PDE7B: variants seen among roughly 807,000 people sequenced by gnomAD.
PDE7B encodes phosphodiesterase 7B, also known as 3',5'-cyclic-AMP phosphodiesterase 7B.
PDE7B carries 29 observed loss-of-function variants against 56.2 expected under a neutral mutation model. That is an observed-to-expected ratio of 0.52 (90% confidence interval 0.38 to 0.70). PDE7B has a LOEUF of 0.70. PDE7B is among the 30% of genes least tolerant of loss of function. The pLI, the probability that PDE7B is intolerant of heterozygous loss-of-function variation, is 0.00. For missense variants in PDE7B, 490 were observed against 565.0 expected (o/e 0.87, Z 1.35); for synonymous variants, 197 against 196.9 (o/e 1.00, Z 0.00).
intron 2 of PDE7B, among the ~76,000 whole-genome samples, chr6:135,987,367 C>A (rs1041549587): frequency 1.3e-5 from 2 of 152,040 alleles, no homozygotes; most frequent in Admixed American, 6.6e-5. Context: ...AGGAGTGGCC[C>A]CTGCTCCCAA....
At chr6:135,852,351 A>C (rs981588219) in intron 1 of PDE7B, among the ~76,000 whole-genome samples, 2 of 152,092 alleles carry the variant, frequency 1.3e-5, no homozygotes, top group Non-Finnish European at 2.9e-5. Context: ...TCTCCAACAT[A>C]AATCTTGGAG....
intron 5 of PDE7B, among the ~76,000 whole-genome samples, chr6:136,150,130 CAATT>C (rs1157182287): frequency 1.3e-5 from 2 of 152,200 alleles, no homozygotes; most frequent in South Asian, 2.1e-4. Flanking sequence ...TTCTTTAACT[CAATT>C]AATTAGAGAT....
chr6:136,090,786 C>A (rs1370264069), intron 2 of PDE7B, among the ~76,000 whole-genome samples: 1 of 152,180 alleles, frequency 6.6e-6, no homozygotes, highest in Non-Finnish European at 1.5e-5. Context: ...CTCTGTCTCC[C>A]ACTCCTCTGC....
intron 1 of PDE7B, among the ~76,000 whole-genome samples, chr6:135,930,080 A>G (rs1238563280): frequency 1.3e-5 from 2 of 152,196 alleles, no homozygotes; most frequent in Non-Finnish European, 2.9e-5. Flanking sequence ...TGGGCAAATT[A>G]CAAAAGAAAG....
chr6:136,060,438 C>A (rs1267231465), intron 2 of PDE7B, among the ~76,000 whole-genome samples: 1 of 152,024 alleles, frequency 6.6e-6, no homozygotes, highest in Non-Finnish European at 1.5e-5. Flanking sequence ...AAGTAAGAAC[C>A]TAAAATCATT....
chr6:136,165,127 C>A (rs1422570841), intron 8 of PDE7B, among the ~76,000 whole-genome samples: 2 of 152,152 alleles, frequency 1.3e-5, no homozygotes, highest in African/African-American at 4.8e-5. Context: ...GGCCAGTGAA[C>A]AAAGTTGTTA....
chr6:135,960,050 A>C (rs1276105313), intron 2 of PDE7B, among the ~76,000 whole-genome samples: 1 of 152,158 alleles, frequency 6.6e-6, no homozygotes, highest in African/African-American at 2.4e-5. Flanking sequence ...AGTCTTAAGC[A>C]AATCTCTGAA....
intron 1 of PDE7B, among the ~76,000 whole-genome samples, chr6:135,902,331 G>GTTT (rs66648278): frequency 1.4e-5 from 2 of 147,694 alleles, no homozygotes; most frequent in Admixed American, 6.8e-5. Flanking sequence ...TTATGTGAAG[G>GTTT]TTTTTTTTTT....
Position 135,938,723 on chromosome 6 carries a change from G to T in PDE7B, c.22-8741G>T, listed in dbSNP as rs550112313. Among the ~76,000 whole-genome samples, 30 of 152,262 alleles carry T rather than the reference G, an allele frequency of 2.0e-4. No homozygotes were observed. In the East Asian group the frequency reaches 4.1e-3, roughly 21 times the overall value. On this transcript the variant is annotated intron_variant, in intron 1 of 12. Transcript: ENST00000308191. Reference sequence around the variant, plus strand: ...TGGAGAGTGCAACGTAAGACGCAATGACTCTGAGCCTGCACCACGCCATCT... The same window carrying T: ...TGGAGAGTGCAACGTAAGACGCAATTACTCTGAGCCTGCACCACGCCATCT...
At chr6:136,013,973 T>TGA (rs1775933921) in intron 2 of PDE7B, among the ~76,000 whole-genome samples, 4 of 152,360 alleles carry the variant, frequency 2.6e-5, no homozygotes, top group Non-Finnish European at 5.9e-5. Flanking sequence ...CGGTTCTTCC[T>TGA]GTTGTAAACT....
At chr6:136,173,038 T>A (rs1778917517) in intron 8 of PDE7B, among the ~76,000 whole-genome samples, 1 of 152,044 alleles carries the variant, frequency 6.6e-6, no homozygotes, top group African/African-American at 2.4e-5. Context: ...TCCATGCTCA[T>A]GGGTAGGAAG....
intron 2 of PDE7B, among the ~76,000 whole-genome samples, chr6:136,079,924 G>A (rs558836533): frequency 6.6e-5 from 10 of 152,090 alleles, no homozygotes; most frequent in South Asian, 2.1e-4. Context: ...CCCATCCTAC[G>A]TCAGCCTGGG....
intron 2 of PDE7B, among the ~76,000 whole-genome samples, chr6:135,993,459 C>T (rs1433080633): frequency 6.6e-6 from 1 of 152,208 alleles, no homozygotes. Context: ...GAAAGCTCCC[C>T]AGGTGACTCT....
chr6:135,898,174 C>A (rs1038162721), intron 1 of PDE7B, among the ~76,000 whole-genome samples: 1 of 151,978 alleles, frequency 6.6e-6, no homozygotes, highest in African/African-American at 2.4e-5. Context: ...GCATTTTGTT[C>A]GCAAGGAGGA....
chr6:136,075,301 T>C (rs1386794841), intron 2 of PDE7B, among the ~76,000 whole-genome samples: 1 of 152,322 alleles, frequency 6.6e-6, no homozygotes, highest in South Asian at 2.1e-4. Flanking sequence ...TTATTACTAA[T>C]GTACTAAGAT....
chr6:136,163,951 C>G (rs949284564), intron 8 of PDE7B, among the ~76,000 whole-genome samples: 2 of 152,196 alleles, frequency 1.3e-5, no homozygotes, highest in Non-Finnish European at 2.9e-5. Flanking sequence ...CAAACTTTCC[C>G]ACATTTCCTG....
chr6:135,936,597 A>G (rs1250310939), intron 1 of PDE7B, among the ~76,000 whole-genome samples: 2 of 152,158 alleles, frequency 1.3e-5, no homozygotes, highest in South Asian at 2.1e-4. Context: ...GGGCAGGAAC[A>G]TAGGGTCCTT....
chr6:135,854,440 T>A (rs961307733), intron 1 of PDE7B, among the ~76,000 whole-genome samples: 1 of 152,192 alleles, frequency 6.6e-6, no homozygotes, highest in Admixed American at 6.5e-5. Context: ...AATTCTTATC[T>A]GAATAATCCA....
chr6:136,021,590 G>A (rs1041986154), intron 2 of PDE7B, among the ~76,000 whole-genome samples: 1 of 151,512 alleles, frequency 6.6e-6, no homozygotes, highest in African/African-American at 2.4e-5. Flanking sequence ...GTTGCAGTGA[G>A]CTGAGATTGC....
Sources: gnomAD v4.1 joint callset for allele counts (sites outside exome capture counted in the v4.1 genomes callset) on GRCh38, gnomAD v4.1.1 for gene constraint, MANE v1.5 for transcripts, NCBI Gene and HGNC (gene_info 2026-07-23, HGNC 2026-07-21) for gene names.